Variants in RSBN1 observed in about 807,000 individuals in gnomAD.
RSBN1 encodes round spermatid basic protein 1, also known as lysine-specific demethylase 9.
A neutral mutation model predicts 74.8 loss-of-function variants in RSBN1; 23 were observed. The ratio of observed to expected loss-of-function variants is 0.31; its 90% CI spans 0.22 to 0.44. The LOEUF (loss-of-function observed/expected upper bound fraction) is 0.44. Ranked by LOEUF, RSBN1 falls within the 20% of genes least tolerant of loss-of-function variation. The pLI is 1.00. For synonymous variants in RSBN1, 407 were observed against 379.6 expected (o/e 1.07, Z -0.84); for missense variants, 808 against 1,020.9 (o/e 0.79, Z 2.84).
intron 4 of RSBN1, among the ~76,000 whole-genome samples, chr1:113,775,181 T>G (rs1659998448): frequency 6.6e-6 from 1 of 151,586 alleles, no homozygotes; most frequent in Admixed American, 6.6e-5. Context: ...GCTGCCACCA[T>G]GCCCAGCTAA....
intron 4 of RSBN1, 57 bp from the exon 5 acceptor site, chr1:113,768,446 A>C (rs895088706): frequency 7.0e-7 from 1 of 1,420,940 alleles, no homozygotes; most frequent in Non-Finnish European, 9.5e-7. Flanking sequence ...AGACCAAAAA[A>C]AAATTAATTA....
chr1:113,770,427 G>A (rs1376674387), intron 4 of RSBN1, among the ~76,000 whole-genome samples: 1 of 152,098 alleles, frequency 6.6e-6, no homozygotes, highest in Non-Finnish European at 1.5e-5. Flanking sequence ...TGGACTTCTC[G>A]ATATACAAGA....
intron 5 of RSBN1, 83 bp from the exon 6 acceptor site, chr1:113,767,290 A>C: frequency 1.4e-6 from 1 of 740,082 alleles, no homozygotes; most frequent in South Asian, 2.1e-5. Context: ...TGTTCTTGGA[A>C]ATGCTTCTAC....
intron 4 of RSBN1, among the ~76,000 whole-genome samples, chr1:113,769,075 C>T (rs1659837938): frequency 6.6e-6 from 1 of 152,102 alleles, no homozygotes; most frequent in Admixed American, 6.5e-5. Context: ...TTAAAGACCC[C>T]CACAGAAAAA....
At chr1:113,804,450 T>A (rs1403637338) in intron 1 of RSBN1, among the ~76,000 whole-genome samples, 4 of 152,180 alleles carry the variant, frequency 2.6e-5, no homozygotes, top group Admixed American at 2.6e-4. Context: ...TTCTCACCTA[T>A]CTGACTCCAA....
chr1:113,810,801 A>G (rs976304958), intron 1 of RSBN1, among the ~76,000 whole-genome samples: 3 of 152,254 alleles, frequency 2.0e-5, no homozygotes, highest in African/African-American at 4.8e-5. Context: ...AAAATAATAT[A>G]TAAAGTACAA....
chr1:113,765,733 C>T lies in RSBN1; in HGVS notation c.*247G>A. ...TTTGAAGAAGAGATTGAATTGTTAC[C>T]TCACACCTTAAAACAGAAAGTAGCA... On this transcript the variant is annotated 3_prime_UTR_variant, in exon 7 of 7. Transcript: ENST00000261441. The T allele has an allele frequency of 2.7e-6, 1 of 371,718 alleles. No individual in the cohort carries two copies. Among genetic ancestry groups the T allele is most frequent in the Non-Finnish European group, 4.9e-6 (1 of 204,918 alleles). 23.0% of individuals were successfully genotyped at this position (371,718 alleles called of 1,614,324 possible).
chr1:113,766,550 C>T (rs1935836), intron 6 of RSBN1, 97 bp from the exon 7 acceptor site: 496,975 of 734,404 alleles, frequency 0.68, 172,182 homozygotes, highest in East Asian at 0.9. Flanking sequence ...CAAAATGTGT[C>T]ATAACAATAA....
chr1:113,773,355 C>T (rs1571295877), intron 4 of RSBN1, among the ~76,000 whole-genome samples: 1 of 152,108 alleles, frequency 6.6e-6, no homozygotes, highest in Non-Finnish European at 1.5e-5. Context: ...CGAAACCCCT[C>T]TTTACTAAAA....
Sources: gnomAD v4.1 joint callset for allele counts (sites outside exome capture counted in the v4.1 genomes callset) on GRCh38, gnomAD v4.1.1 for gene constraint, MANE v1.5 for transcripts, NCBI Gene and HGNC (gene_info 2026-07-23, HGNC 2026-07-21) for gene names.